The following FGD4 variants were observed in gnomAD, a reference collection of about 807,000 sequenced individuals.
FGD4 encodes FYVE, RhoGEF and PH domain-containing protein 4.
FGD4 carries 42 observed loss-of-function variants against 102.0 expected under a neutral mutation model. That is an observed-to-expected ratio of 0.41 (90% CI 0.32 to 0.53). FGD4 has a LOEUF of 0.53. Ranked by LOEUF, FGD4 falls within the 20% of genes least tolerant of loss-of-function variation. The pLI, the probability that FGD4 is intolerant of heterozygous loss-of-function variation, is 0.21. For missense variants in FGD4, 902 were observed against 1,078.2 expected, an observed-to-expected ratio of 0.84 and a Z score of 2.29; for synonymous variants, 380 against 375.7, an observed-to-expected ratio of 1.01 and a Z score of -0.13.
intron 2 of FGD4, among the ~76,000 whole-genome samples, chr12:32,574,548 C>G (rs138137893): frequency 7.4e-4 from 112 of 152,110 alleles, no homozygotes; most frequent in African/African-American, 2.4e-3. Flanking sequence ...TAATCACTCC[C>G]CCAAACATAT....
chr12:32,485,897 G>A (rs1421055080), intron 1 of FGD4: 1 of 1,246,366 alleles, frequency 8.0e-7, no homozygotes, highest in Non-Finnish European at 1.0e-6. Context: ...TTTGAAATGC[G>A]TTGCTTGCGT....
chr12:32,562,903 CG>C (rs368080529), intron 1 of FGD4, among the ~76,000 whole-genome samples: 13,546 of 152,242 alleles, frequency 0.089, 773 homozygotes, highest in Middle Eastern at 0.18. Context: ...ATTGTCATCC[CG>C]GCCCGTTCTC....
At chr12:32,565,434 C>CT (rs1481114998) in intron 2 of FGD4, among the ~76,000 whole-genome samples, 1 of 152,092 alleles carries the variant, frequency 6.6e-6, no homozygotes, top group Non-Finnish European at 1.5e-5. Flanking sequence ...AAACATAGGA[C>CT]TTTTTTTGAC....
At chr12:32,526,685 T>C (rs10844229) in intron 1 of FGD4, among the ~76,000 whole-genome samples, 37,435 of 152,072 alleles carry the variant, frequency 0.25, 5,347 homozygotes, top group Middle Eastern at 0.43. Flanking sequence ...TTGCGATAAA[T>C]CTTGCTGCTG....
intron 1 of FGD4, among the ~76,000 whole-genome samples, chr12:32,556,255 T>A (rs1944112423): frequency 6.6e-6 from 1 of 152,208 alleles, no homozygotes; most frequent in Non-Finnish European, 1.5e-5. Flanking sequence ...TTTAAAATTT[T>A]TTTTAATTTT....
chr12:32,601,190 G>T, intron 5 of FGD4, 88 bp from the exon 6 acceptor site: 1 of 1,397,852 alleles, frequency 7.2e-7, no homozygotes, highest in African/African-American at 1.4e-5. Context: ...TCAATAAAAA[G>T]TTACTAAGAG....
intron 1 of FGD4, among the ~76,000 whole-genome samples, chr12:32,520,214 T>A (rs1010943970): frequency 1.3e-5 from 2 of 150,932 alleles, no homozygotes; most frequent in African/African-American, 4.8e-5. Flanking sequence ...TAAACTGAGA[T>A]AGATTTACTC....
chr12:32,421,167 G>C (rs1313366664), intron 1 of FGD4, among the ~76,000 whole-genome samples: 1 of 152,180 alleles, frequency 6.6e-6, no homozygotes, highest in Non-Finnish European at 1.5e-5. Flanking sequence ...AGATGACTTA[G>C]TGGCTTTGCT....
At chr12:32,600,584 C>CTTTTTTTTTTTTTTTTTTTTTTTTT (rs776556112) in intron 5 of FGD4, 6 of 267,970 alleles carry the variant, frequency 2.2e-5, no homozygotes, top group Middle Eastern at 2.0e-3. Flanking sequence ...TTCTTTCTTT[C>CTTTTTTTTTTTTTTTTTTTTTTTTT]TTTCTTTCTT....
rs1371068409 is a variant in FGD4 at position 32,641,386 on chromosome 12, T to C, written c.*853T>C. The C allele has an allele frequency of 1.3e-5, 2 of 152,160 alleles. No individual in the cohort carries two copies. The highest frequency in any genetic ancestry group is 2.9e-5 in the Non-Finnish European group (2 of 68,000). 9.4% of individuals were successfully genotyped at this position (152,160 alleles called of 1,614,324 possible). ...TTCCAACAGTACTTTTAAAGTACCA[T>C]TTTTTGTTTCTGTGCCTATTTAAAA... On this transcript the variant is annotated 3_prime_UTR_variant, in exon 17 of 17. Coordinates refer to ENST00000534526, the MANE Select transcript of FGD4 (RefSeq NM_001370298.3).
intron 1 of FGD4, among the ~76,000 whole-genome samples, chr12:32,524,534 A>AC (rs1555194673): frequency 6.1e-4 from 92 of 151,274 alleles, no homozygotes; most frequent in Admixed American, 1.2e-3. Flanking sequence ...TAAAAAAAAA[A>AC]AACAGAAAAA....
At chr12:32,556,570 T>C (rs1428137266) in intron 1 of FGD4, among the ~76,000 whole-genome samples, 1 of 152,094 alleles carries the variant, frequency 6.6e-6, no homozygotes, top group Non-Finnish European at 1.5e-5. Context: ...TATGATAGAA[T>C]TTCCTGCTGG....
At chr12:32,620,588 G>A (rs1386160845) in intron 11 of FGD4, among the ~76,000 whole-genome samples, 6 of 138,264 alleles carry the variant, frequency 4.3e-5, no homozygotes, top group Non-Finnish European at 9.1e-5. Context: ...GGGCAATGGT[G>A]CAGTCTCGGC....
chr12:32,639,050 A>G (rs1951014190), intron 16 of FGD4: 2 of 954,164 alleles, frequency 2.1e-6, no homozygotes, highest in Non-Finnish European at 2.8e-6. Flanking sequence ...AGATGAGTTG[A>G]ATTAGGAATG....
At chr12:32,638,022 T>C (rs1248546531) in intron 15 of FGD4, among the ~76,000 whole-genome samples, 1 of 152,196 alleles carries the variant, frequency 6.6e-6, no homozygotes. Context: ...CCTTTTTGCT[T>C]TTATATTCTT....
intron 7 of FGD4, among the ~76,000 whole-genome samples, chr12:32,603,045 T>C (rs1436563421): frequency 6.6e-6 from 1 of 152,238 alleles, no homozygotes; most frequent in Non-Finnish European, 1.5e-5. Flanking sequence ...CTCACCTTAA[T>C]TCTTGTAAAA....
intron 1 of FGD4, among the ~76,000 whole-genome samples, chr12:32,442,043 G>GTT (rs66975190): frequency 4.6e-5 from 6 of 131,068 alleles, no homozygotes; most frequent in African/African-American, 1.5e-4. Context: ...GTGTTGTTGT[G>GTT]TTTTTTTTTT....
intron 11 of FGD4, among the ~76,000 whole-genome samples, chr12:32,624,084 A>C (rs1950004328): frequency 6.6e-6 from 1 of 152,198 alleles, no homozygotes; most frequent in Non-Finnish European, 1.5e-5. Context: ...TGTGTTTTAG[A>C]AAACTGGAAG....
chr12:32,482,374 CAGCTTACCAATGGT>C lies in FGD4; in HGVS notation c.167-81753_167-81740del, dbSNP rs1460252348. 5.9e-5 allele frequency among the ~76,000 whole-genome samples: 9 copies of C among 152,236 alleles called. 1 individual carries two copies. The South Asian group carries it at 8.3e-4, about 14-fold the overall frequency. ...TTCTTGTTTTCTATTTCTTAGTGAC[CAGCTTACCAATGGT>C]AGCTTACCATTGAAGAGGAAGTGTG... On this transcript the variant is annotated intron_variant, in intron 1 of 16. Coordinates refer to ENST00000534526, the MANE Select transcript of FGD4 (RefSeq NM_001370298.3).
Sources: allele counts gnomAD v4.1 joint callset (sites outside exome capture counted in the v4.1 genomes callset), GRCh38; gene constraint gnomAD v4.1.1; transcripts MANE v1.5; gene names NCBI Gene and HGNC (gene_info 2026-07-23, HGNC 2026-07-21).